The following CYP2J2 variants were observed in gnomAD, a reference collection of about 807,000 sequenced individuals.
The protein encoded by CYP2J2 is cytochrome P450 family 2 subfamily J member 2.
CYP2J2 carries 41 observed loss-of-function variants against 48.8 expected under a neutral mutation model. The observed-to-expected ratio is 0.84, with a 90% CI of 0.66 to 1.09. CYP2J2 has a LOEUF of 1.09. Among genes scored for constraint, CYP2J2 ranks in the 50% least tolerant of loss-of-function variants. The pLI is 0.00. For synonymous variants in CYP2J2, 221 were observed against 227.1 expected, an observed-to-expected ratio of 0.97 and a Z score of 0.24; for missense variants, 644 against 617.3, an observed-to-expected ratio of 1.04 and a Z score of -0.46.
chr1:59,921,032 T>G (rs1644508217), intron 1 of CYP2J2, among the ~76,000 whole-genome samples: 1 of 152,200 alleles, frequency 6.6e-6, no homozygotes, highest in South Asian at 2.1e-4. Flanking sequence ...TACAAAAGGT[T>G]ATCCCCAGGG....
Position 59,926,648 on chromosome 1 carries a change from G to C in CYP2J2, c.99C>G (p.Asp33Glu). 6.2e-7 allele frequency: 1 copy of C among 1,614,220 alleles called. No individual in the cohort carries two copies. The stretch of plus-strand genomic sequence containing the variant: ...TCTTTGGGCGCCGTCTTTTGAGAAA[G>C]TCAGCAGCGAGCAGAAAGGCGACAG... ...LGTVAFLLAA[D>E]FLKRRRPKNY... Residue 33 changes from aspartate to glutamate, a missense_variant, in exon 1 of 9, where the codon GAC (aspartate) becomes GAG (glutamate). Transcript: ENST00000371204.
the CYP2J2 span, among the ~76,000 whole-genome samples, chr1:59,961,665 C>T: frequency 1.3e-5 from 2 of 152,100 alleles, no homozygotes; most frequent in Non-Finnish European, 2.9e-5. Context: ...AAAATTTATA[C>T]ATGGACGCTC....
the CYP2J2 span, among the ~76,000 whole-genome samples, chr1:59,960,116 C>T: frequency 1.3e-5 from 2 of 152,080 alleles, no homozygotes; most frequent in Non-Finnish European, 2.9e-5. Context: ...CCAAAGCAAA[C>T]CCCAAGATAA....
Position 59,911,708 on chromosome 1 carries a change from A to G in CYP2J2, c.584T>C (p.Ile195Thr). 2 of 1,613,708 alleles carry G rather than the reference A, an allele frequency of 1.2e-6. No individual in the cohort carries two copies. Among genetic ancestry groups the G allele is most frequent in the Non-Finnish European group, 1.7e-6 (2 of 1,179,702 alleles). ...GTACTCAAAGCGTTCTCCGAAGGTG[A>G]TGGAGCAAATGATATTGGAAACTGC... ...NNAVSNIICS[I>T]TFGERFEYQD... Residue 195 changes from isoleucine to threonine, a missense_variant, in exon 4 of 9, where the codon ATC becomes ACC. Coordinates refer to ENST00000371204, the MANE Select transcript of CYP2J2 (RefSeq NM_000775.4).
the CYP2J2 span, among the ~76,000 whole-genome samples, chr1:59,934,868 A>G: frequency 6.6e-6 from 1 of 151,072 alleles, no homozygotes; most frequent in Admixed American, 6.6e-5. Context: ...TCCAAAGGAA[A>G]TGAAATCACT....
the CYP2J2 span, among the ~76,000 whole-genome samples, chr1:59,948,534 T>C: frequency 2.0e-5 from 3 of 152,210 alleles, no homozygotes; most frequent in Non-Finnish European, 4.4e-5. Context: ...AGAAAAATAT[T>C]AATACTCATA....
At chr1:59,914,375 T>TA (rs1644445080) in intron 2 of CYP2J2, among the ~76,000 whole-genome samples, 2 of 152,188 alleles carry the variant, frequency 1.3e-5, no homozygotes, top group South Asian at 2.1e-4. Context: ...ATCAGACTGT[T>TA]ACTGTGTCTA....
chr1:59,896,194 G>T (rs1170224658), intron 8 of CYP2J2, among the ~76,000 whole-genome samples: 1 of 152,010 alleles, frequency 6.6e-6, no homozygotes, highest in Admixed American at 6.6e-5. Context: ...CATGCTCATT[G>T]CTCTCCAGAT....
At chr1:59,910,435 G>A (rs945332303) in intron 4 of CYP2J2, among the ~76,000 whole-genome samples, 3 of 152,004 alleles carry the variant, frequency 2.0e-5, no homozygotes, top group African/African-American at 7.3e-5. Context: ...AGTGAAAATG[G>A]CCATGTGTTG....
upstream of CYP2J2, among the ~76,000 whole-genome samples, chr1:59,929,077 C>A (rs547703672): frequency 1.3e-5 from 2 of 152,332 alleles, no homozygotes; most frequent in Non-Finnish European, 1.5e-5. Context: ...CCAACAGGGG[C>A]AGACAGTTTT....
In CYP2J2 at chr1:59,915,948, A is replaced by G. The variant is rs762891760; in HGVS notation, c.363T>C (p.Phe121=). 1.2e-6 allele frequency: 2 copies of G among 1,611,502 alleles called. No homozygotes were observed. Among genetic ancestry groups the G allele is most frequent in the Non-Finnish European group, 1.7e-6 (2 of 1,179,158 alleles). Residue 121 remains phenylalanine, a synonymous_variant, in exon 2 of 9, where the codon TTT becomes TTC. Transcript: ENST00000371204. ...GGCCAAGAAACTTACCATTTTTCTT[A>G]AAGATATGTTCTCGCATAGGGGTCA... is the stretch of plus-strand genomic sequence containing the variant. The part of the protein sequence containing the change: ...RPVTPMREHI[F]KKNGLIMSSG...
chr1:59,929,033 A>G (rs1002987358), upstream of CYP2J2, among the ~76,000 whole-genome samples: 12 of 152,252 alleles, frequency 7.9e-5, no homozygotes, highest in Non-Finnish European at 4.4e-5. Context: ...CAGTAGAGCA[A>G]TCAGCTGGAA....
chr1:59,958,774 C>T, the CYP2J2 span, among the ~76,000 whole-genome samples: 1 of 152,174 alleles, frequency 6.6e-6, no homozygotes, highest in Non-Finnish European at 1.5e-5. Context: ...AGAATCTGAT[C>T]TTCTATTCAT....
At chr1:59,928,165 C>A (rs1472216433), upstream of CYP2J2, among the ~76,000 whole-genome samples, 1 of 152,116 alleles carries the variant, frequency 6.6e-6, no homozygotes, top group Non-Finnish European at 1.5e-5. Flanking sequence ...CAGTGGACGT[C>A]AGGTTTGTTA....
chr1:59,960,929 G>T, the CYP2J2 span, among the ~76,000 whole-genome samples: 1 of 152,062 alleles, frequency 6.6e-6, no homozygotes, highest in Non-Finnish European at 1.5e-5. Flanking sequence ...TGGTGGAACT[G>T]GATATCCATA....
intron 7 of CYP2J2, among the ~76,000 whole-genome samples, chr1:59,902,924 C>T (rs554903660): frequency 5.9e-5 from 9 of 152,268 alleles, no homozygotes; most frequent in Admixed American, 3.9e-4. Context: ...GTCTATTTGA[C>T]GTCAAAGTCA....
At chr1:59,921,756 C>T (rs1356835085) in intron 1 of CYP2J2, among the ~76,000 whole-genome samples, 1 of 151,856 alleles carries the variant, frequency 6.6e-6, no homozygotes, top group African/African-American at 2.4e-5. Flanking sequence ...CTAAAGAGAC[C>T]TAGAAGAGCC....
At chr1:59,918,098 C>G (rs372338243) in intron 1 of CYP2J2, among the ~76,000 whole-genome samples, 51 of 152,270 alleles carry the variant, frequency 3.3e-4, no homozygotes, top group African/African-American at 1.2e-3. Context: ...AAAAGCAGAG[C>G]TGAGATTCAA....
chr1:59,916,223 A>ATG (rs1644464485), intron 1 of CYP2J2, 123 bp from the exon 2 acceptor site: 3 of 723,124 alleles, frequency 4.1e-6, no homozygotes, highest in Non-Finnish European at 4.5e-6. Flanking sequence ...CTGTGTGTGT[A>ATG]CGTGTGTGTG....
Sources: gnomAD v4.1 joint callset for allele counts (sites outside exome capture counted in the v4.1 genomes callset) on GRCh38, gnomAD v4.1.1 for gene constraint, MANE v1.5 for transcripts, NCBI Gene and HGNC (gene_info 2026-07-23, HGNC 2026-07-21) for gene names.